Variants in MYO1D observed in about 807,000 individuals in gnomAD.
MYO1D encodes myosin ID, also known as unconventional myosin-Id.
MYO1D carries 83 observed loss-of-function variants against 122.0 expected under a neutral mutation model. The ratio of observed to expected loss-of-function variants is 0.68; its 90% CI spans 0.57 to 0.82. The LOEUF (loss-of-function observed/expected upper bound fraction) is 0.82, where lower values mean the gene tolerates loss of function less well. Among genes scored for constraint, MYO1D ranks in the 40% least tolerant of loss-of-function variants. MYO1D has a pLI of 0.00. For synonymous variants in MYO1D, 464 were observed against 446.9 expected (o/e 1.04, Z -0.48); for missense variants, 1,157 against 1,269.5 (o/e 0.91, Z 1.35).
At chr17:32,500,347 T>C (rs1909275314) in intron 21 of MYO1D, among the ~76,000 whole-genome samples, 1 of 152,232 alleles carries the variant, frequency 6.6e-6, no homozygotes, top group Non-Finnish European at 1.5e-5. Flanking sequence ...GGATGGAGAC[T>C]CACCCAGTCC....
chr17:32,730,951 G>A (rs967251947), intron 14 of MYO1D, among the ~76,000 whole-genome samples: 2 of 146,104 alleles, frequency 1.4e-5, no homozygotes, highest in African/African-American at 5.2e-5. Flanking sequence ...CTGTCGCCCA[G>A]GCGGGAGTGC....
chr17:32,552,725 G>A (rs535815079), intron 21 of MYO1D, among the ~76,000 whole-genome samples: 104 of 152,320 alleles, frequency 6.8e-4, no homozygotes, highest in African/African-American at 2.4e-3. Flanking sequence ...TGTGGAAACT[G>A]AAGCTTCTTA....
chr17:32,645,127 G>A (rs1163405826), intron 19 of MYO1D, among the ~76,000 whole-genome samples: 1 of 152,172 alleles, frequency 6.6e-6, no homozygotes, highest in Non-Finnish European at 1.5e-5. Flanking sequence ...AAATCTCTCA[G>A]CATTTGCTTG....
At chr17:32,678,640 T>A (rs1322168537) in intron 16 of MYO1D, among the ~76,000 whole-genome samples, 1 of 151,070 alleles carries the variant, frequency 6.6e-6, no homozygotes, top group Non-Finnish European at 1.5e-5. Context: ...TGCCACATTT[T>A]CTTAATCCAG....
At chr17:32,778,243 A>T (rs1208373441) in intron 3 of MYO1D, among the ~76,000 whole-genome samples, 3 of 152,218 alleles carry the variant, frequency 2.0e-5, no homozygotes, top group Non-Finnish European at 4.4e-5. Flanking sequence ...AATTAGGTAA[A>T]GCTTACCATA....
At chr17:32,547,577 G>C (rs1312814340) in intron 21 of MYO1D, among the ~76,000 whole-genome samples, 2 of 152,230 alleles carry the variant, frequency 1.3e-5, no homozygotes, top group Non-Finnish European at 2.9e-5. Flanking sequence ...TAATTGTCTT[G>C]TCCAACCAAC....
intron 4 of MYO1D, 52 bp from the exon 5 acceptor site, chr17:32,772,894 A>G (rs1567635004): frequency 6.9e-7 from 1 of 1,453,910 alleles, no homozygotes. Flanking sequence ...CCCTAAAATA[A>G]AACAGGAGCC....
rs1385031323 is a variant in MYO1D, at chr17:32,778,581, G to T, written c.305-8C>A. The T allele has an allele frequency of 3.1e-6, 5 of 1,607,366 alleles. No individual in the cohort carries two copies. Among genetic ancestry groups the T allele is most frequent in the Non-Finnish European group, 4.3e-6 (5 of 1,174,266 alleles). The stretch of plus-strand genomic sequence containing the variant: ...TACCAGCTCCACTTTCCCCTGGGGG[G>T]AAAAATTGTTCAGGGCTTAACATAA... On this transcript the variant is annotated splice_region_variant and splice_polypyrimidine_tract_variant and intron_variant, in intron 2 of 21. Coordinates refer to ENST00000318217, the MANE Select transcript of MYO1D (RefSeq NM_015194.3).
intron 21 of MYO1D, among the ~76,000 whole-genome samples, chr17:32,527,804 A>G (rs1032211637): frequency 6.6e-6 from 1 of 151,660 alleles, no homozygotes; most frequent in African/African-American, 2.4e-5. Flanking sequence ...TAAAAATAAA[A>G]CAAAACAATA....
intron 1 of MYO1D, among the ~76,000 whole-genome samples, chr17:32,803,233 G>A (rs989279110): frequency 5.3e-5 from 8 of 151,872 alleles, no homozygotes; most frequent in Admixed American, 1.3e-4. Flanking sequence ...TGCAGGCTCC[G>A]CCTCCCAGGT....
intron 16 of MYO1D, among the ~76,000 whole-genome samples, chr17:32,688,210 G>A (rs2729348): frequency 0.61 from 92,497 of 152,062 alleles, 28,751 homozygotes; most frequent in Middle Eastern, 0.75. Context: ...TAAATTCCAT[G>A]GGAATAACCT....
chr17:32,564,231 C>T (rs1450022716), intron 21 of MYO1D, among the ~76,000 whole-genome samples: 2 of 152,214 alleles, frequency 1.3e-5, no homozygotes, highest in African/African-American at 4.8e-5. Context: ...GCTTCTTCCC[C>T]TTCATGAGTT....
rs116381558 is a variant in MYO1D at position 32,767,670 on chromosome 17, G to C, written c.797C>G (p.Thr266Arg). The change falls in exon 7 of 22, where the codon ACA (threonine) becomes AGA (arginine). Residue 266 changes from threonine (T) to arginine (R), a missense_variant. Coordinates refer to ENST00000318217, the MANE Select transcript of MYO1D (RefSeq NM_015194.3). ...AATAGCAGCCAAAATCTTATACACT[G>C]TTTGGATCTCCTCAGGTTTGAAGCC... is the stretch of plus-strand genomic sequence containing the variant. Reference protein sequence around the residue: ...VIGFKPEEIQTVYKILAAILH... With the variant: ...VIGFKPEEIQRVYKILAAILH... 4.1e-4 allele frequency: 654 copies of C among 1,613,510 alleles called. 1 individual carries two copies. In the African/African-American group the frequency reaches 7.8e-3, roughly 19 times the overall value.
intron 20 of MYO1D, among the ~76,000 whole-genome samples, chr17:32,605,555 A>T (rs2087616956): frequency 6.6e-6 from 1 of 152,212 alleles, no homozygotes; most frequent in South Asian, 2.1e-4. Context: ...AATGAACAAA[A>T]TTTGAAATAG....
At chr17:32,571,384 T>TG (rs2087226300) in intron 21 of MYO1D, among the ~76,000 whole-genome samples, 1 of 152,208 alleles carries the variant, frequency 6.6e-6, no homozygotes, top group Admixed American at 6.5e-5. Flanking sequence ...TTCCTGCTGC[T>TG]GCCTTTCTTC....
At chr17:32,503,936 T>C (rs1909408758) in intron 21 of MYO1D, among the ~76,000 whole-genome samples, 1 of 152,210 alleles carries the variant, frequency 6.6e-6, no homozygotes, top group South Asian at 2.1e-4. Context: ...CAGGGTCGAA[T>C]GGACACTTTT....
rs1909866056 is a variant in MYO1D at position 32,515,638 on chromosome 17, C to G, written c.2865-20723G>C. Reference sequence around the variant, plus strand: ...AAAGGATAATGCTTTCTTCTTGGGGCTGACGACATAGTTCTTTTTGGATAT... The same window carrying G: ...AAAGGATAATGCTTTCTTCTTGGGGGTGACGACATAGTTCTTTTTGGATAT... On this transcript the variant is annotated intron_variant, in intron 21 of 21. Coordinates refer to ENST00000318217, the MANE Select transcript of MYO1D (RefSeq NM_015194.3). Among the ~76,000 whole-genome samples, 3 of 152,160 alleles carry G rather than the reference C, an allele frequency of 2.0e-5. No individual in the cohort carries two copies. The South Asian group carries it at 6.2e-4, about 31-fold the overall frequency.
Position 32,767,656 on chromosome 17 carries a change from A to C in MYO1D, c.811T>G (p.Leu271Val), listed in dbSNP as rs370950865. 9 of 1,612,054 alleles carry C rather than the reference A, an allele frequency of 5.6e-6. 1 individual carries two copies. Among genetic ancestry groups the C allele is most frequent in the African/African-American group, 4.0e-5 (3 of 74,996 alleles). The change falls in exon 7 of 22, where the codon TTG (leucine) becomes GTG (valine). Residue 271 changes from leucine to valine, a missense_variant. Transcript: ENST00000318217. Reference sequence around the variant, plus strand: ...CTCACCAAGTGCAGAATAGCAGCCAAAATCTTATACACTGTTTGGATCTCC... The same window carrying C: ...CTCACCAAGTGCAGAATAGCAGCCACAATCTTATACACTGTTTGGATCTCC... The part of the protein sequence containing the change: ...PEEIQTVYKI[L>V]AAILHLGNLK...
intron 16 of MYO1D, among the ~76,000 whole-genome samples, chr17:32,694,706 T>TAAA (rs2089149190): frequency 3.6e-4 from 4 of 11,066 alleles, no homozygotes; most frequent in Admixed American, 1.3e-3. Context: ...AGACTCCGTC[T>TAAA]CAAAAAAAAA....
Sources: gnomAD v4.1 joint callset for allele counts (sites outside exome capture counted in the v4.1 genomes callset) on GRCh38, gnomAD v4.1.1 for gene constraint, MANE v1.5 for transcripts, NCBI Gene and HGNC (gene_info 2026-07-23, HGNC 2026-07-21) for gene names.